SLC6A2: variants seen among roughly 807,000 people sequenced by gnomAD.
SLC6A2 encodes the protein solute carrier family 6 member 2, also known as sodium-dependent noradrenaline transporter.
A neutral mutation model predicts 71.7 loss-of-function variants in SLC6A2; 26 were observed. The ratio of observed to expected loss-of-function variants is 0.36; its 90% CI spans 0.27 to 0.50. SLC6A2 has a LOEUF of 0.50. SLC6A2 is among the 20% of genes least tolerant of loss of function. The pLI, the probability that SLC6A2 is intolerant of heterozygous loss-of-function variation, is 0.96. For missense variants in SLC6A2, 581 were observed against 803.9 expected (o/e 0.72, Z 3.35); for synonymous variants, 363 against 337.9 (o/e 1.07, Z -0.82).
At chr16:55,685,615 C>G (rs889115828) in intron 5 of SLC6A2, among the ~76,000 whole-genome samples, 1 of 152,240 alleles carries the variant, frequency 6.6e-6, no homozygotes, top group African/African-American at 2.4e-5. Flanking sequence ...ATACTATCAA[C>G]ATGCCCTTGA....
intron 4 of SLC6A2, among the ~76,000 whole-genome samples, chr16:55,680,996 G>C (rs1965253718): frequency 6.6e-6 from 1 of 151,970 alleles, no homozygotes; most frequent in Non-Finnish European, 1.5e-5. Flanking sequence ...TCTCCCCATT[G>C]CTCCCTCCCC....
chr16:55,666,891 C>T (rs1353240648), intron 2 of SLC6A2, among the ~76,000 whole-genome samples: 3 of 152,214 alleles, frequency 2.0e-5, no homozygotes, highest in Non-Finnish European at 2.9e-5. Flanking sequence ...GTCGGAGCAG[C>T]GACTCCTAGC....
At chr16:55,676,575 GC>G (rs1178397791) in intron 4 of SLC6A2, among the ~76,000 whole-genome samples, 5 of 152,294 alleles carry the variant, frequency 3.3e-5, no homozygotes, top group Admixed American at 1.3e-4. Context: ...GCCCTGTCTG[GC>G]AGGGAAACTT....
chr16:55,680,122 A>C (rs1462948898), intron 4 of SLC6A2, among the ~76,000 whole-genome samples: 1 of 152,134 alleles, frequency 6.6e-6, no homozygotes, highest in Non-Finnish European at 1.5e-5. Context: ...GGTGCTAAGA[A>C]GCCTCTGAGG....
chr16:55,694,544 T>A (rs1200326393), intron 7 of SLC6A2, among the ~76,000 whole-genome samples: 2 of 152,108 alleles, frequency 1.3e-5, no homozygotes, highest in East Asian at 1.9e-4. Context: ...CAGGAAGCAG[T>A]CAATGCTACC....
chr16:55,702,690 G>A lies in SLC6A2; in HGVS notation c.*344G>A, dbSNP rs1966009410. The stretch of plus-strand genomic sequence containing the variant: ...CACATTTGCCTAGACTTTGGGCACA[G>A]GAGTTCTTAGTCCACCAAATCAGAG... On this transcript the variant is annotated 3_prime_UTR_variant, in exon 15 of 15. Transcript: ENST00000568943. 1 of 1,197,284 alleles carries A rather than the reference G, an allele frequency of 8.4e-7. No homozygotes were observed. The highest frequency in any genetic ancestry group is 1.0e-6 in the Non-Finnish European group (1 of 960,040). 74.2% of individuals were successfully genotyped at this position (1,197,284 alleles called of 1,614,324 possible). A position where few individuals can be genotyped will look rare whatever the true frequency, so the allele number is the denominator to read the frequency against.
At chr16:55,678,795 T>C (rs1460164170) in intron 4 of SLC6A2, among the ~76,000 whole-genome samples, 1 of 152,218 alleles carries the variant, frequency 6.6e-6, no homozygotes, top group Non-Finnish European at 1.5e-5. Context: ...TTAACGATGA[T>C]TCATTTTCAT....
intron 3 of SLC6A2, among the ~76,000 whole-genome samples, chr16:55,670,796 T>C (rs1312519337): frequency 2.0e-5 from 3 of 152,218 alleles, no homozygotes; most frequent in African/African-American, 7.2e-5. Context: ...TACTAACCAA[T>C]CACTGTGGCT....
chr16:55,671,576 T>A (rs1964915848), intron 3 of SLC6A2: 23 of 487,474 alleles, frequency 4.7e-5, no homozygotes, highest in Non-Finnish European at 1.4e-5. Context: ...ATCGCTCGCA[T>A]GACCGCCTGA....
At position 55,656,787 on chromosome 16, in the gene SLC6A2, G is replaced by T; in HGVS notation, c.93G>T (p.Ala31=). 1 of 1,613,364 alleles carries T rather than the reference G, an allele frequency of 6.2e-7. No individual in the cohort carries two copies. The highest frequency in any genetic ancestry group is 8.5e-7 in the Non-Finnish European group (1 of 1,179,790). Residue 31 remains alanine, a synonymous_variant, in exon 2 of 15, where the codon GCG becomes GCT. Coordinates refer to ENST00000568943, the MANE Select transcript of SLC6A2 (RefSeq NM_001172501.3). This position sits in a 1 kb window ranked among gnomAD's most constrained non-coding sequence, Gnocchi z 4.5. ...PEQPLRARKT[A]ELLVVKERNG... ...AGCCCCTTCGGGCGCGCAAAACTGC[G>T]GAGCTGCTGGTGGTGAAGGAGCGCA...
rs1246612211 is a variant in SLC6A2, at chr16:55,703,547, G to C, written c.*1201G>C. The C allele has an allele frequency of 1.0e-6, 1 of 985,320 alleles. No individual in the cohort carries two copies. Among genetic ancestry groups the C allele is most frequent in the Non-Finnish European group, 1.2e-6 (1 of 829,950 alleles). 61.0% of individuals were successfully genotyped at this position (985,320 alleles called of 1,614,324 possible). On this transcript the variant is annotated 3_prime_UTR_variant, in exon 15 of 15. Transcript: ENST00000568943. ...GTTTGGTGGTTTCAGAGAATTTCTAGGTTTCTACTTGGATCTACTTCTGAT... is the reference window on the plus strand; with the variant it reads ...GTTTGGTGGTTTCAGAGAATTTCTACGTTTCTACTTGGATCTACTTCTGAT...
intron 11 of SLC6A2, among the ~76,000 whole-genome samples, 191 bp from the exon 12 acceptor site, chr16:55,699,363 A>G (rs1225335475): frequency 6.6e-6 from 1 of 152,168 alleles, no homozygotes; most frequent in Non-Finnish European, 1.5e-5. Context: ...ATGAAAGGGG[A>G]TACTGTCCTA....
intron 4 of SLC6A2, among the ~76,000 whole-genome samples, chr16:55,674,855 T>C (rs1965035770): frequency 6.6e-6 from 1 of 152,198 alleles, no homozygotes; most frequent in Admixed American, 6.5e-5. Flanking sequence ...CATCTTCCTT[T>C]GGGTAGATGC....
chr16:55,694,949 C>T (rs11862207), intron 7 of SLC6A2, among the ~76,000 whole-genome samples: 147,154 of 152,238 alleles, frequency 0.97, 71,320 homozygotes, highest in Middle Eastern at 1. Context: ...ATAAGGAAGG[C>T]TGGGTCTTCT....
intron 5 of SLC6A2, among the ~76,000 whole-genome samples, chr16:55,687,206 T>C (rs1234893461): frequency 5.4e-3 from 1 of 186 alleles, no homozygotes; most frequent in Non-Finnish European, 0.025. Flanking sequence ...ACATACACTT[T>C]TCAAAAATGA....
intron 4 of SLC6A2, among the ~76,000 whole-genome samples, chr16:55,684,404 G>T (rs1270362915): frequency 6.6e-6 from 1 of 152,076 alleles, no homozygotes; most frequent in Non-Finnish European, 1.5e-5. Context: ...GCGATTTGGG[G>T]TTATTATGAA....
At position 55,703,464 on chromosome 16, in the gene SLC6A2, A is replaced by G; in HGVS notation, c.*1118A>G. Reference sequence around the variant, plus strand: ...GGCACCTTGGAGGGCAGGGTGAGACAAGCAGCCCAGAAATACTCTCTCAAG... The same window carrying G: ...GGCACCTTGGAGGGCAGGGTGAGACGAGCAGCCCAGAAATACTCTCTCAAG... On this transcript the variant is annotated 3_prime_UTR_variant, in exon 15 of 15. Transcript: ENST00000568943. 1 of 985,450 alleles carries G rather than the reference A, an allele frequency of 1.0e-6. No homozygotes were observed. The highest frequency in any genetic ancestry group is 1.2e-6 in the Non-Finnish European group (1 of 829,948). The allele number at this position is 985,450 out of a possible 1,614,324, so 61.0% of individuals were successfully genotyped here. A position where few individuals can be genotyped will look rare whatever the true frequency, so the allele number is the denominator to read the frequency against.
At chr16:55,701,634 A>G (rs1195288604) in intron 13 of SLC6A2, among the ~76,000 whole-genome samples, 1 of 152,240 alleles carries the variant, frequency 6.6e-6, no homozygotes, top group East Asian at 1.9e-4. Flanking sequence ...CACAGGGCCT[A>G]GCCCCATGTC....
rs752300218 is a variant in SLC6A2, at chr16:55,695,420, C to T, written c.1147+18C>T. 1.2e-6 allele frequency: 2 copies of T among 1,613,994 alleles called. No homozygotes were observed. The highest frequency in any genetic ancestry group is 1.7e-5 in the Admixed American group (1 of 60,036). ...CACAGAAGGTGGGTGGGCAGCCCACCTGGGCCCCAGCCCACTGAGGCGGGA... is the reference window on the plus strand; with the variant it reads ...CACAGAAGGTGGGTGGGCAGCCCACTTGGGCCCCAGCCCACTGAGGCGGGA... On this transcript the variant is annotated intron_variant, in intron 8 of 14. Coordinates refer to ENST00000568943, the MANE Select transcript of SLC6A2 (RefSeq NM_001172501.3).
Sources: allele counts gnomAD v4.1 joint callset (sites outside exome capture counted in the v4.1 genomes callset), GRCh38; gene constraint gnomAD v4.1.1; non-coding constraint Gnocchi (gnomAD v3.1); transcripts MANE v1.5; gene names NCBI Gene and HGNC (gene_info 2026-07-23, HGNC 2026-07-21).